SCPEP1: variants seen among roughly 807,000 people sequenced by gnomAD.
SCPEP1 encodes the protein retinoid-inducible serine carboxypeptidase.
Under a neutral mutation model 63.8 loss-of-function variants are expected in SCPEP1, and 51 were observed. The observed-to-expected ratio is 0.80, with a 90% CI of 0.64 to 1.01. The LOEUF is 1.01. SCPEP1 is among the 50% of genes least tolerant of loss of function. The probability of loss-of-function intolerance (pLI) is 0.00; values close to 1 mark genes in which losing one functional copy is unlikely to be tolerated. For synonymous variants in SCPEP1, 204 were observed against 207.8 expected, an observed-to-expected ratio of 0.98 and a Z score of 0.16; for missense variants, 499 against 554.9, an observed-to-expected ratio of 0.90 and a Z score of 1.01.
Position 56,995,582 on chromosome 17 carries a change from C to A in SCPEP1, c.733C>A (p.Leu245Ile), listed in dbSNP as rs775907241. The stretch of plus-strand genomic sequence containing the variant: ...AGTACTGAATGCCGTAAATAAGGGG[C>A]TCTACAGAGAGGCCACAGAGCTGTG... ...EQVLNAVNKGLYREATELWGK... is the reference protein window; with the variant it reads ...EQVLNAVNKGIYREATELWGK... The change falls in exon 8 of 13, where the codon CTC becomes ATC. Residue 245 changes from leucine (L) to isoleucine (I), a missense_variant. Leu to Ile is a conservative substitution (Grantham distance 5). Transcript: ENST00000262288. The A allele has an allele frequency of 3.1e-6, 5 of 1,614,090 alleles. No homozygotes were observed. The highest frequency in any genetic ancestry group is 4.2e-6 in the Non-Finnish European group (5 of 1,179,996).
intron 10 of SCPEP1, among the ~76,000 whole-genome samples, chr17:57,000,028 T>C (rs1911692268): frequency 6.7e-6 from 1 of 149,592 alleles, no homozygotes; most frequent in Admixed American, 6.7e-5. Context: ...TGTGCATCTG[T>C]AGTCTCAGCT....
At chr17:56,978,980 T>A (rs1910992186) in intron 1 of SCPEP1, among the ~76,000 whole-genome samples, 1 of 152,194 alleles carries the variant, frequency 6.6e-6, no homozygotes, top group African/African-American at 2.4e-5. Flanking sequence ...GTGCCTGGGG[T>A]TAGGTCAAAA....
chr17:56,995,627 A>C lies in SCPEP1; in HGVS notation c.778A>C (p.Ile260Leu). ...GCTGTGGGGGAAAGCAGAAATGATC[A>C]TTGAACAGGTAAAAAGGGGAAACAC... ...TELWGKAEMI[I>L]EQNTDGVNFY... is the part of the protein sequence containing the mutation. Residue 260 changes from isoleucine (I) to leucine (L), a missense_variant, in exon 8 of 13, where the codon ATT becomes CTT. Ile to Leu is a conservative substitution (Grantham distance 5). Coordinates refer to ENST00000262288, the MANE Select transcript of SCPEP1 (RefSeq NM_021626.3). 6.2e-7 allele frequency: 1 copy of C among 1,613,912 alleles called. No homozygotes were observed. Among genetic ancestry groups the C allele is most frequent in the Non-Finnish European group, 8.5e-7 (1 of 1,179,918 alleles).
intron 10 of SCPEP1, among the ~76,000 whole-genome samples, chr17:57,000,424 T>C (rs896243157): frequency 6.6e-6 from 1 of 152,174 alleles, no homozygotes; most frequent in Non-Finnish European, 1.5e-5. Flanking sequence ...AGGTTTGATC[T>C]GGTTTATTAT....
intron 2 of SCPEP1, chr17:56,982,720 T>C (rs1369034801): frequency 6.6e-6 from 1 of 151,916 alleles, no homozygotes; most frequent in Non-Finnish European, 1.5e-5. Context: ...TTTCAAACTT[T>C]TTGTTCATCA....
At chr17:56,986,066 G>T (rs1240612999) in intron 3 of SCPEP1, among the ~76,000 whole-genome samples, 1 of 152,036 alleles carries the variant, frequency 6.6e-6, no homozygotes, top group African/African-American at 2.4e-5. Flanking sequence ...CCACCCTGGG[G>T]CTGCTGCACA....
At chr17:57,005,542 G>A (rs546256421) in intron 12 of SCPEP1, among the ~76,000 whole-genome samples, 1 of 152,276 alleles carries the variant, frequency 6.6e-6, no homozygotes, top group Non-Finnish European at 1.5e-5. Context: ...CATGGAGCCA[G>A]GGAATTACAT....
At position 56,981,345 on chromosome 17, in the gene SCPEP1, GT is replaced by G. The variant is rs1300776006; in HGVS notation, c.225+116del. 7 of 1,125,322 alleles carry G rather than the reference GT, an allele frequency of 6.2e-6. No individual in the cohort carries two copies. The East Asian group carries it at 1.7e-4, about 28-fold the overall frequency. 69.7% of individuals were successfully genotyped at this position (1,125,322 alleles called of 1,614,324 possible). Reference sequence around the variant, plus strand: ...TGAAGGGCGGATTTGGTCCAGCAGTGTGACCTGGGGGTTCGGCGTGCTTCTG... The same window carrying G: ...TGAAGGGCGGATTTGGTCCAGCAGTGGACCTGGGGGTTCGGCGTGCTTCTG... On this transcript the variant is annotated intron_variant, in intron 2 of 12. Coordinates refer to ENST00000262288, the MANE Select transcript of SCPEP1 (RefSeq NM_021626.3).
chr17:56,990,071 A>G (rs1911347106), intron 5 of SCPEP1, among the ~76,000 whole-genome samples: 1 of 152,186 alleles, frequency 6.6e-6, no homozygotes, highest in South Asian at 2.1e-4. Context: ...AAGAAAGAAT[A>G]CAGAGAGCTA....
intron 10 of SCPEP1, 68 bp from the exon 11 acceptor site, chr17:57,000,787 G>T: frequency 6.3e-7 from 1 of 1,577,296 alleles, no homozygotes; most frequent in Non-Finnish European, 8.7e-7. Flanking sequence ...AAGATGCTCT[G>T]GGCTGAAAGG....
At chr17:57,004,891 T>TA (rs1202589621) in intron 12 of SCPEP1, among the ~76,000 whole-genome samples, 1 of 152,202 alleles carries the variant, frequency 6.6e-6, no homozygotes, top group African/African-American at 2.4e-5. Flanking sequence ...TAGTCACACA[T>TA]AAGTACTTCA....
At chr17:56,988,340 T>A in intron 5 of SCPEP1, 50 bp downstream of exon 5, 1 of 1,431,940 alleles carries the variant, frequency 7.0e-7, no homozygotes, top group Non-Finnish European at 9.8e-7. Context: ...AAATCAATTA[T>A]GTTACTTTTA....
intron 3 of SCPEP1, 43 bp from the exon 4 acceptor site, chr17:56,987,652 A>T: frequency 6.3e-7 from 1 of 1,597,228 alleles, no homozygotes; most frequent in East Asian, 2.2e-5. Flanking sequence ...ATTGGTGACC[A>T]AATGTCTGAT....
At chr17:56,987,516 GT>G (rs1218751840) in intron 3 of SCPEP1, 178 bp from the exon 4 acceptor site, 19 of 466,568 alleles carry the variant, frequency 4.1e-5, no homozygotes, top group Non-Finnish European at 4.7e-5. Context: ...CTTTGTTTTT[GT>G]TTTTTTTTCT....
chr17:57,006,076 T>C, intron 12 of SCPEP1, 97 bp from the exon 13 acceptor site: 1 of 907,556 alleles, frequency 1.1e-6, no homozygotes, highest in Non-Finnish European at 1.7e-6. Context: ...GTCACAGAGC[T>C]GGCTCCCTTT....
Position 56,995,494 on chromosome 17 carries a change from G to A in SCPEP1, c.658-13G>A. On this transcript the variant is annotated splice_polypyrimidine_tract_variant and intron_variant, in intron 7 of 12. Coordinates refer to ENST00000262288, the MANE Select transcript of SCPEP1 (RefSeq NM_021626.3). The stretch of plus-strand genomic sequence containing the variant: ...AGTAAAGTGGGTCTTTTTGCTCTTG[G>A]TTTGCATTCCAGTCTCTTCTCGAAG... 6.2e-7 allele frequency: 1 copy of A among 1,607,052 alleles called. No individual in the cohort carries two copies. The highest frequency in any genetic ancestry group is 8.5e-7 in the Non-Finnish European group (1 of 1,177,796).
At chr17:57,001,189 C>T (rs1486263664) in intron 11 of SCPEP1, among the ~76,000 whole-genome samples, 197 bp downstream of exon 11, 2 of 152,112 alleles carry the variant, frequency 1.3e-5, no homozygotes, top group African/African-American at 2.4e-5. Context: ...CCCTCAGAAG[C>T]CTGAGCCTAC....
In SCPEP1 at chr17:57,006,205, G is replaced by A. The variant is rs1911887338; in HGVS notation, c.1329G>A (p.Lys443=). ...VPSDQGDMAL[K]MMRLVTQQE ...CTGACCAAGGGGACATGGCTCTGAA[G>A]ATGATGAGACTGGTGACTCAGCAAG... Residue 443 remains lysine (K), a synonymous_variant, in exon 13 of 13, where the codon AAG becomes AAA. Transcript: ENST00000262288. 6.2e-7 allele frequency: 1 copy of A among 1,611,624 alleles called. No homozygotes were observed. The highest frequency in any genetic ancestry group is 8.5e-7 in the Non-Finnish European group (1 of 1,179,002).
At chr17:56,981,360 G>A (rs1911063904) in intron 2 of SCPEP1, 130 bp downstream of exon 2, 6 of 957,860 alleles carry the variant, frequency 6.3e-6, no homozygotes, top group African/African-American at 1.6e-5. Context: ...CTGGGGGTTC[G>A]GCGTGCTTCT....
Sources: gnomAD v4.1 joint callset for allele counts (sites outside exome capture counted in the v4.1 genomes callset) on GRCh38, gnomAD v4.1.1 for gene constraint, MANE v1.5 for transcripts, NCBI Gene and HGNC (gene_info 2026-07-23, HGNC 2026-07-21) for gene names.